The following SPPL3 variants were observed in gnomAD, a reference collection of about 807,000 sequenced individuals.
SPPL3 encodes signal peptide peptidase like 3, also known as signal peptide peptidase-like 3.
Under a neutral mutation model 42.4 loss-of-function variants are expected in SPPL3, and 5 were observed. The observed-to-expected ratio is 0.12, with a 90% CI of 0.06 to 0.25. The LOEUF is 0.25. Ranked by LOEUF, SPPL3 falls within the 10% of genes least tolerant of loss-of-function variation. The pLI is 1.00. For missense variants in SPPL3, 235 were observed against 489.0 expected (o/e 0.48, Z 4.90); for synonymous variants, 195 against 181.8 (o/e 1.07, Z -0.58).
chr12:120,803,996 G>A (rs898082200), intron 2 of SPPL3, among the ~76,000 whole-genome samples: 2 of 152,186 alleles, frequency 1.3e-5, no homozygotes, highest in Non-Finnish European at 2.9e-5. Flanking sequence ...CACTTAGAAT[G>A]AAGGGCATCA....
chr12:120,889,156 T>C (rs1226755110), intron 1 of SPPL3, among the ~76,000 whole-genome samples: 1 of 152,056 alleles, frequency 6.6e-6, no homozygotes, highest in East Asian at 1.9e-4. Context: ...AATATAAACA[T>C]CAGAATGAAA....
intron 1 of SPPL3, among the ~76,000 whole-genome samples, chr12:120,899,929 T>C (rs1430728359): frequency 1.7e-5 from 2 of 119,048 alleles, no homozygotes; most frequent in Admixed American, 1.8e-4. Context: ...TCATATGGGG[T>C]GGTCAGAAAA....
At chr12:120,892,984 GAAAAAA>G (rs11373013) in intron 1 of SPPL3, among the ~76,000 whole-genome samples, 1 of 126,108 alleles carries the variant, frequency 7.9e-6, no homozygotes, top group Non-Finnish European at 1.6e-5. Flanking sequence ...TCTGTCTCGG[GAAAAAA>G]AAAAAAAAAA....
rs1360937249 is a variant in SPPL3 at position 120,768,941 on chromosome 12, A to G, written c.609+12T>C. On this transcript the variant is annotated intron_variant, in intron 7 of 10. Transcript: ENST00000353487. ...AAAGAAGGGGAGGAGCTCCAAGGAC[A>G]TAAACGCTTACCCAAAAGACATCAT... 1.9e-6 allele frequency: 3 copies of G among 1,596,978 alleles called. No homozygotes were observed. In the African/African-American group the frequency reaches 4.0e-5, roughly 21 times the overall value.
intron 1 of SPPL3, among the ~76,000 whole-genome samples, chr12:120,819,960 G>A (rs1488576666): frequency 6.6e-6 from 1 of 152,040 alleles, no homozygotes; most frequent in Non-Finnish European, 1.5e-5. Context: ...AAAAAGGTGC[G>A]AAAATGAAAA....
chr12:120,835,641 G>GA (rs763000665), intron 1 of SPPL3: 1 of 152,148 alleles, frequency 6.6e-6, no homozygotes, highest in Non-Finnish European at 1.5e-5. Flanking sequence ...ATAGTATCTT[G>GA]AAAAACAATA....
intron 1 of SPPL3, among the ~76,000 whole-genome samples, chr12:120,816,140 A>G (rs1389472885): frequency 6.6e-6 from 1 of 152,150 alleles, no homozygotes; most frequent in Admixed American, 6.5e-5. Context: ...TTTCTAGATG[A>G]AGGTTTGACC....
chr12:120,877,550 G>A (rs1873143167), intron 1 of SPPL3, among the ~76,000 whole-genome samples: 2 of 152,180 alleles, frequency 1.3e-5, no homozygotes, highest in African/African-American at 2.4e-5. Context: ...GGAGGCCGAG[G>A]CGGGTGGATC....
chr12:120,809,991 G>A (rs1222067443), intron 2 of SPPL3, among the ~76,000 whole-genome samples: 4 of 129,686 alleles, frequency 3.1e-5, no homozygotes, highest in African/African-American at 1.3e-4. Context: ...TTTTTTTTTT[G>A]AGACATAGTC....
At chr12:120,815,129 G>A (rs1366475168) in intron 1 of SPPL3, among the ~76,000 whole-genome samples, 1 of 152,176 alleles carries the variant, frequency 6.6e-6, no homozygotes, top group Non-Finnish European at 1.5e-5. Context: ...TGACCTGTTT[G>A]TATAACATTC....
intron 1 of SPPL3, among the ~76,000 whole-genome samples, chr12:120,848,311 G>T (rs540237485): frequency 6.6e-6 from 1 of 152,158 alleles, no homozygotes; most frequent in Non-Finnish European, 1.5e-5. Context: ...CAGAAGAAAG[G>T]CCAAACCACA....
chr12:120,773,807 T>C (rs1212025791), intron 6 of SPPL3, among the ~76,000 whole-genome samples: 2 of 152,230 alleles, frequency 1.3e-5, no homozygotes, highest in Non-Finnish European at 2.9e-5. Flanking sequence ...TTTCACCATA[T>C]TGGTCAGGCT....
At chr12:120,846,570 G>A (rs1246785262) in intron 1 of SPPL3, among the ~76,000 whole-genome samples, 1 of 152,134 alleles carries the variant, frequency 6.6e-6, no homozygotes, top group Non-Finnish European at 1.5e-5. Context: ...AGTAAGCTAC[G>A]GTTGATCTGC....
intron 1 of SPPL3, among the ~76,000 whole-genome samples, chr12:120,896,619 C>T (rs1297685923): frequency 6.6e-6 from 1 of 151,914 alleles, no homozygotes; most frequent in African/African-American, 2.4e-5. Flanking sequence ...ACTAAAGATA[C>T]AGAAAACAAA....
chr12:120,840,222 G>A (rs1316673208), intron 1 of SPPL3, among the ~76,000 whole-genome samples: 1 of 134,638 alleles, frequency 7.4e-6, no homozygotes, highest in Non-Finnish European at 1.5e-5. Context: ...AGGCTGCAGT[G>A]AGCTGAGATT....
intron 1 of SPPL3, among the ~76,000 whole-genome samples, chr12:120,875,272 T>C (rs900325084): frequency 6.6e-6 from 1 of 152,028 alleles, no homozygotes; most frequent in Non-Finnish European, 1.5e-5. Context: ...AAAATTAAAA[T>C]AGAAAAAATT....
At chr12:120,784,879 C>T (rs539886758) in intron 3 of SPPL3, among the ~76,000 whole-genome samples, 40 of 152,170 alleles carry the variant, frequency 2.6e-4, no homozygotes, top group Admixed American at 3.9e-4. Context: ...CCACCGAGAA[C>T]ATTAAGAGGT....
intron 1 of SPPL3, among the ~76,000 whole-genome samples, chr12:120,878,321 A>T (rs1873175802): frequency 6.6e-6 from 1 of 152,208 alleles, no homozygotes. Flanking sequence ...CAATGAAATC[A>T]TTAACAAGAT....
chr12:120,793,209 G>A (rs952917124), intron 2 of SPPL3, among the ~76,000 whole-genome samples: 1 of 152,160 alleles, frequency 6.6e-6, no homozygotes, highest in Non-Finnish European at 1.5e-5. Flanking sequence ...GGAAATACAA[G>A]TCAAAACCAT....
Sources: allele counts gnomAD v4.1 joint callset (sites outside exome capture counted in the v4.1 genomes callset), GRCh38; gene constraint gnomAD v4.1.1; transcripts MANE v1.5; gene names NCBI Gene and HGNC (gene_info 2026-07-23, HGNC 2026-07-21).